Variants in PADI6 observed in about 807,000 individuals in gnomAD.
The protein encoded by PADI6 is peptidyl arginine deiminase 6.
Under a neutral mutation model 78.2 loss-of-function variants are expected in PADI6, and 66 were observed. That is an observed-to-expected ratio of 0.84 (90% CI 0.69 to 1.04). The LOEUF (loss-of-function observed/expected upper bound fraction) is 1.04, where lower values mean the gene tolerates loss of function less well. Ranked by LOEUF, PADI6 falls within the 50% of genes least tolerant of loss-of-function variation. The pLI, the probability that PADI6 is intolerant of heterozygous loss-of-function variation, is 0.00. For missense variants in PADI6, 854 were observed against 866.1 expected, an observed-to-expected ratio of 0.99 and a Z score of 0.18; for synonymous variants, 397 against 346.9, an observed-to-expected ratio of 1.14 and a Z score of -1.60.
At chr1:17,400,044 C>G (rs1032031083) in intron 15 of PADI6, among the ~76,000 whole-genome samples, 1 of 149,802 alleles carries the variant, frequency 6.7e-6, no homozygotes, top group African/African-American at 2.5e-5. Context: ...AAAAAACAAA[C>G]AAAACAAAAC....
chr1:17,392,057 A>G (rs1307199446), intron 8 of PADI6, 57 bp from the exon 9 acceptor site: 3 of 1,424,238 alleles, frequency 2.1e-6, no homozygotes, highest in Non-Finnish European at 2.9e-6. Flanking sequence ...CAAGGAGGTC[A>G]TAACCAGTAA....
Position 17,373,218 on chromosome 1 carries a change from C to G in PADI6, c.279C>G (p.Ser93=), listed in dbSNP as rs756296522. The G allele has an allele frequency of 6.2e-7, 1 of 1,613,924 alleles. No individual in the cohort carries two copies. The highest frequency in any genetic ancestry group is 2.2e-5 in the East Asian group (1 of 44,872). The stretch of plus-strand genomic sequence containing the variant: ...TGAAGATGACATCGCCCAGCCCTTC[C>G]GTGGATGCGGATAAGGTAAGCCTCA... ...ATVKMTSPSP[S]VDADKVSVTY... is the part of the protein sequence containing the mutation. The change falls in exon 2 of 16, where the codon TCC becomes TCG. Residue 93 remains serine, a synonymous_variant. Transcript: ENST00000619609.
At chr1:17,388,958 G>A (rs984066075) in intron 8 of PADI6, 78 bp downstream of exon 8, 31 of 1,165,626 alleles carry the variant, frequency 2.7e-5, no homozygotes, top group Admixed American at 1.7e-4. Flanking sequence ...AGGGCAGGGT[G>A]GGTGAAGATG....
chr1:17,382,854 C>T (rs777714351), intron 6 of PADI6, among the ~76,000 whole-genome samples: 1 of 152,194 alleles, frequency 6.6e-6, no homozygotes, highest in Non-Finnish European at 1.5e-5. Flanking sequence ...AGTGTGATCA[C>T]AGCTCACTGT....
intron 11 of PADI6, 64 bp downstream of exon 11, chr1:17,394,518 G>T: frequency 2.0e-6 from 3 of 1,536,310 alleles, no homozygotes; most frequent in Non-Finnish European, 2.6e-6. Context: ...CCCTGGCCCC[G>T]CCTGCTTCCC....
intron 8 of PADI6, among the ~76,000 whole-genome samples, chr1:17,389,975 T>C (rs1472695797): frequency 6.6e-6 from 1 of 152,146 alleles, no homozygotes; most frequent in East Asian, 1.9e-4. Context: ...ATAATGCTGA[T>C]GGAATGCTCT....
intron 6 of PADI6, 86 bp downstream of exon 6, chr1:17,382,178 C>A: frequency 6.7e-7 from 1 of 1,493,572 alleles, no homozygotes; most frequent in Admixed American, 2.0e-5. Context: ...GCAAGGTCCC[C>A]AGCAGAAGCC....
intron 15 of PADI6, among the ~76,000 whole-genome samples, chr1:17,400,524 TTTTG>T (rs1001839816): frequency 1.3e-5 from 2 of 151,242 alleles, no homozygotes; most frequent in Non-Finnish European, 3.0e-5. Flanking sequence ...GTTTGTTTGT[TTTTG>T]TTTTTTAAAT....
chr1:17,398,648 T>TCCCCTGCCCCCCCCCC, intron 14 of PADI6, 38 bp from the exon 15 acceptor site: 3 of 193,328 alleles, frequency 1.6e-5, no homozygotes, highest in Admixed American at 9.6e-5. Flanking sequence ...CTCTCCTTGC[T>TCCCCTGCCCCCCCCCC]CCCCCGCCCC....
At chr1:17,384,771 C>T (rs1463407740) in intron 6 of PADI6, among the ~76,000 whole-genome samples, 1 of 152,158 alleles carries the variant, frequency 6.6e-6, no homozygotes, top group African/African-American at 2.4e-5. Flanking sequence ...CTAAGATGCC[C>T]AAGCCCATAG....
chr1:17,388,918 C>T (rs1299588183), intron 8 of PADI6, 38 bp downstream of exon 8: 29 of 1,503,450 alleles, frequency 1.9e-5, no homozygotes, highest in Non-Finnish European at 2.7e-5. Flanking sequence ...AGGCGGTTCT[C>T]ATAACTGGCA....
At chr1:17,387,319 C>A (rs1321317292) in intron 6 of PADI6, among the ~76,000 whole-genome samples, 1 of 152,054 alleles carries the variant, frequency 6.6e-6, no homozygotes, top group African/African-American at 2.4e-5. Context: ...GTGGTGCACA[C>A]CTATAGTCCT....
At position 17,388,412 on chromosome 1, in the gene PADI6, G is replaced by C. The variant is rs780710059; in HGVS notation, c.711G>C (p.Leu237=). Residue 237 remains leucine, a synonymous_variant, in exon 7 of 16, where the codon CTG becomes CTC. Coordinates refer to ENST00000619609, the MANE Select transcript of PADI6 (RefSeq NM_207421.4). The part of the protein sequence containing the change: ...KDNSSTFELV[L]GPDQHAYTLA... ...ACTCCAGTACCTTTGAGTTGGTGCT[G>C]GGGCCCGACCAGCACGCCTATACCT... 1.2e-5 allele frequency: 19 copies of C among 1,613,428 alleles called. 1 individual carries two copies. The African/African-American group carries it at 1.7e-4, about 15-fold the overall frequency.
intron 8 of PADI6, 112 bp downstream of exon 8, chr1:17,388,992 T>A: frequency 7.6e-6 from 6 of 789,012 alleles, no homozygotes; most frequent in Non-Finnish European, 8.2e-6. Flanking sequence ...ACCAGGAGAG[T>A]TGAAACCCTT....
In PADI6 at chr1:17,388,895, G is replaced by A. The variant is rs1247894225; in HGVS notation, c.962+15G>A. 2 of 1,602,418 alleles carry A rather than the reference G, an allele frequency of 1.2e-6. No homozygotes were observed. The highest frequency in any genetic ancestry group is 1.7e-6 in the Non-Finnish European group (2 of 1,171,068). Reference sequence around the variant, plus strand: ...TACCTGTGCAGGTGAGAGACCATCAGGCTGACTGTGCCAGGCGGTTCTCAT... The same window carrying A: ...TACCTGTGCAGGTGAGAGACCATCAAGCTGACTGTGCCAGGCGGTTCTCAT... On this transcript the variant is annotated intron_variant, in intron 8 of 15. Transcript: ENST00000619609.
chr1:17,391,820 A>G (rs1176993344), intron 8 of PADI6, among the ~76,000 whole-genome samples: 4 of 152,240 alleles, frequency 2.6e-5, no homozygotes, highest in Non-Finnish European at 4.4e-5. Context: ...GGGTACTTGC[A>G]GAATGTGACC....
chr1:17,381,262 C>T (rs6664321), intron 5 of PADI6, 98 bp downstream of exon 5: 163,464 of 952,968 alleles, frequency 0.17, 15,645 homozygotes, highest in African/African-American at 0.3. Context: ...ACCCCACCCC[C>T]GACACCCTCT....
intron 5 of PADI6, among the ~76,000 whole-genome samples, chr1:17,381,756 C>G (rs1246194997): frequency 1.3e-5 from 2 of 152,138 alleles, no homozygotes; most frequent in Admixed American, 1.3e-4. Flanking sequence ...ATCCCATCCT[C>G]CCTCAAAAGG....
chr1:17,380,112 C>T (rs61766771), intron 4 of PADI6, 125 bp downstream of exon 4: 24 of 884,608 alleles, frequency 2.7e-5, no homozygotes, highest in Admixed American at 8.5e-5. Flanking sequence ...GGATTAGATA[C>T]GTGGAGGGGA....
Sources: gnomAD v4.1 joint callset for allele counts (sites outside exome capture counted in the v4.1 genomes callset) on GRCh38, gnomAD v4.1.1 for gene constraint, MANE v1.5 for transcripts, NCBI Gene and HGNC (gene_info 2026-07-23, HGNC 2026-07-21) for gene names.